The following CALN1 variants were observed in gnomAD, a reference collection of about 807,000 sequenced individuals.
The protein encoded by CALN1 is calneuron 1, also known as calcium-binding protein 8.
A neutral mutation model predicts 30.6 loss-of-function variants in CALN1; 17 were observed. That is an observed-to-expected ratio of 0.56 (90% CI 0.38 to 0.83). CALN1 has a LOEUF of 0.83. CALN1 is among the 40% of genes least tolerant of loss of function. The pLI, the probability that CALN1 is intolerant of heterozygous loss-of-function variation, is 0.00. For missense variants in CALN1, 291 were observed against 354.9 expected (o/e 0.82, Z 1.45); for synonymous variants, 156 against 131.4 (o/e 1.19, Z -1.28).
intron 3 of CALN1, among the ~76,000 whole-genome samples, chr7:72,201,937 C>T (rs1486334298): frequency 6.6e-6 from 1 of 152,114 alleles, no homozygotes; most frequent in East Asian, 1.9e-4. Context: ...TCCGGACAGA[C>T]CTTGCTTTGA....
chr7:71,938,027 C>T (rs1393386667), intron 5 of CALN1, among the ~76,000 whole-genome samples: 1 of 152,164 alleles, frequency 6.6e-6, no homozygotes, highest in African/African-American at 2.4e-5. Context: ...TGACGTTTTA[C>T]GCAACATCTG....
intron 3 of CALN1, among the ~76,000 whole-genome samples, chr7:72,131,734 G>C: frequency 6.6e-6 from 1 of 152,074 alleles, no homozygotes; most frequent in East Asian, 1.9e-4. Context: ...AACAATCCAA[G>C]ACTTTGACTC....
At chr7:72,017,396 G>T (rs1800456447) in intron 5 of CALN1, among the ~76,000 whole-genome samples, 1 of 152,096 alleles carries the variant, frequency 6.6e-6, no homozygotes, top group African/African-American at 2.4e-5. Flanking sequence ...CCAGGGAGAG[G>T]CAAAGCAAGT....
At chr7:72,461,002 C>A in the CALN1 span, among the ~76,000 whole-genome samples, 28 of 152,164 alleles carry the variant, frequency 1.8e-4, no homozygotes, top group Admixed American at 1.8e-3. Context: ...CCCTGATTCA[C>A]TTCTCTCTCT....
At chr7:72,329,664 C>T (rs1801527714) in intron 2 of CALN1, among the ~76,000 whole-genome samples, 1 of 152,174 alleles carries the variant, frequency 6.6e-6, no homozygotes, top group Non-Finnish European at 1.5e-5. Context: ...ATCAGTGAGA[C>T]CTTTCTTGGT....
intron 3 of CALN1, among the ~76,000 whole-genome samples, chr7:72,263,785 T>C (rs574469414): frequency 6.6e-6 from 1 of 152,302 alleles, no homozygotes; most frequent in Admixed American, 6.5e-5. Flanking sequence ...ACAAGTATTT[T>C]TGAGCAGTCA....
intron 3 of CALN1, among the ~76,000 whole-genome samples, chr7:72,166,916 T>C (rs114623724): frequency 0.012 from 1,891 of 152,116 alleles, 44 homozygotes; most frequent in African/African-American, 0.043. Context: ...GGTGGTGGCA[T>C]GCACCTATAG....
At chr7:72,138,863 G>A (rs1809686344) in intron 3 of CALN1, among the ~76,000 whole-genome samples, 1 of 151,574 alleles carries the variant, frequency 6.6e-6, no homozygotes, top group South Asian at 2.1e-4. Flanking sequence ...AAACATGCTG[G>A]AACACATTTT....
chr7:72,490,879 G>A, the CALN1 span, among the ~76,000 whole-genome samples: 1 of 152,176 alleles, frequency 6.6e-6, no homozygotes, highest in Non-Finnish European at 1.5e-5. Context: ...TCTTTAGGCA[G>A]TGTGAAAATG....
chr7:72,225,364 C>T (rs1438079853), intron 3 of CALN1, among the ~76,000 whole-genome samples: 3 of 151,910 alleles, frequency 2.0e-5, no homozygotes, highest in East Asian at 2.0e-4. Flanking sequence ...CCAACTGACT[C>T]GATACTTAAG....
At chr7:72,035,035 A>G (rs1160066651) in intron 4 of CALN1, among the ~76,000 whole-genome samples, 1 of 152,160 alleles carries the variant, frequency 6.6e-6, no homozygotes, top group African/African-American at 2.4e-5. Flanking sequence ...CAATTTATTC[A>G]TTGGCACGTC....
chr7:72,262,893 G>C (rs986584345), intron 3 of CALN1, among the ~76,000 whole-genome samples: 2 of 152,234 alleles, frequency 1.3e-5, no homozygotes, highest in East Asian at 3.8e-4. Flanking sequence ...AAGTGGGGGA[G>C]TAGGAAAGGT....
At chr7:72,160,963 C>T (rs1030329005) in intron 3 of CALN1, among the ~76,000 whole-genome samples, 5 of 152,120 alleles carry the variant, frequency 3.3e-5, no homozygotes, top group Admixed American at 6.5e-5. Context: ...GGGATGACCA[C>T]GGAACTCAAT....
intron 5 of CALN1, among the ~76,000 whole-genome samples, chr7:71,956,229 CCTCA>C (rs1796955166): frequency 6.6e-6 from 1 of 152,064 alleles, no homozygotes; most frequent in South Asian, 2.1e-4. Context: ...CTCAAGCGAT[CCTCA>C]CTCCTCAGCC....
At chr7:72,433,398 A>C (rs1266151872) in intron 1 of CALN1, among the ~76,000 whole-genome samples, 2 of 152,160 alleles carry the variant, frequency 1.3e-5, no homozygotes, top group African/African-American at 4.8e-5. Flanking sequence ...CAGGGGACTA[A>C]AAAACCCAAG....
At chr7:72,386,616 G>A (rs7778289) in intron 2 of CALN1, among the ~76,000 whole-genome samples, 48,389 of 151,948 alleles carry the variant, frequency 0.32, 8,043 homozygotes, top group East Asian at 0.36. Flanking sequence ...TACAGTTGGA[G>A]ACATCAGTGT....
upstream of CALN1, among the ~76,000 whole-genome samples, chr7:72,415,711 G>A (rs76762679): frequency 3.5e-3 from 536 of 152,312 alleles, 13 homozygotes; most frequent in Admixed American, 0.029. Context: ...GATCCTCCTG[G>A]GAAAATGCTG....
At chr7:72,182,206 C>T (rs534978292) in intron 3 of CALN1, among the ~76,000 whole-genome samples, 27 of 152,218 alleles carry the variant, frequency 1.8e-4, no homozygotes, top group Admixed American at 7.8e-4. Flanking sequence ...GCAGCTGGAT[C>T]GCTCAGCCTT....
At chr7:72,040,964 T>C (rs548742729) in intron 4 of CALN1, among the ~76,000 whole-genome samples, 1 of 152,296 alleles carries the variant, frequency 6.6e-6, no homozygotes, top group East Asian at 1.9e-4. Flanking sequence ...CACTGAGCCA[T>C]AGAGAAGAAC....
Sources: gnomAD v4.1 joint callset for allele counts (sites outside exome capture counted in the v4.1 genomes callset) on GRCh38, gnomAD v4.1.1 for gene constraint, MANE v1.5 for transcripts, NCBI Gene and HGNC (gene_info 2026-07-23, HGNC 2026-07-21) for gene names.